The following MEMO1 variants were observed in gnomAD, a reference collection of about 807,000 sequenced individuals.
MEMO1 encodes protein MEMO1.
In MEMO1, 6 loss-of-function variants were observed where a neutral mutation model predicts 45.2. The observed-to-expected ratio is 0.13, with a 90% CI of 0.07 to 0.26. The LOEUF is 0.26. Ranked by LOEUF, MEMO1 falls within the 10% of genes least tolerant of loss-of-function variation. The probability of loss-of-function intolerance (pLI) is 1.00; values close to 1 mark genes in which losing one functional copy is unlikely to be tolerated. For synonymous variants in MEMO1, 78 were observed against 124.3 expected, an observed-to-expected ratio of 0.63 and a Z score of 2.48; for missense variants, 184 against 370.5, an observed-to-expected ratio of 0.50 and a Z score of 4.13.
At chr2:31,936,425 A>C (rs1664928254) in intron 3 of MEMO1, among the ~76,000 whole-genome samples, 1 of 152,222 alleles carries the variant, frequency 6.6e-6, no homozygotes, top group South Asian at 2.1e-4. Flanking sequence ...CCTTGCCTCT[A>C]AAAATTGATC....
intron 2 of MEMO1, among the ~76,000 whole-genome samples, chr2:31,969,580 T>TGTGG (rs1669083935): frequency 8.6e-6 from 1 of 116,696 alleles, no homozygotes; most frequent in Non-Finnish European, 1.8e-5. Flanking sequence ...TGGGGGTGTG[T>TGTGG]GTGTGGGTGT....
At chr2:31,925,499 A>AAAAAAAAAAC (rs1558507966) in intron 4 of MEMO1, among the ~76,000 whole-genome samples, 2 of 149,374 alleles carry the variant, frequency 1.3e-5, no homozygotes, top group South Asian at 2.1e-4. Context: ...AAAAAAAAAA[A>AAAAAAAAAAC]TCTGTTCCCG....
chr2:31,912,108 G>A (rs935808940), intron 6 of MEMO1, among the ~76,000 whole-genome samples: 1 of 152,122 alleles, frequency 6.6e-6, no homozygotes. Flanking sequence ...CCGAGGGCGG[G>A]TGGATCACTT....
At position 31,972,098 on chromosome 2, in the gene MEMO1, C is replaced by T. The variant is rs1372187058; in HGVS notation, c.62-28715G>A. Among the ~76,000 whole-genome samples the T allele has an allele frequency of 5.3e-5, 8 of 152,324 alleles. No individual in the cohort carries two copies. In the East Asian group the frequency reaches 1.3e-3, roughly 26 times the overall value. ...AAGGTGCAGACTAGGAACAGCACTACACAAAATTATATGTGAAATACCTTT... is the reference window on the plus strand; with the variant it reads ...AAGGTGCAGACTAGGAACAGCACTATACAAAATTATATGTGAAATACCTTT... On this transcript the variant is annotated intron_variant, in intron 2 of 9. Coordinates refer to ENST00000404530, the MANE Select transcript of MEMO1 (RefSeq NM_001301833.4).
intron 3 of MEMO1, among the ~76,000 whole-genome samples, chr2:31,933,845 A>G (rs1456633403): frequency 3.9e-5 from 6 of 152,126 alleles, no homozygotes. Context: ...AGCCAGAAGG[A>G]AATTTAGTAG....
chr2:31,911,844 T>C (rs1029352732), intron 6 of MEMO1, among the ~76,000 whole-genome samples: 2 of 152,118 alleles, frequency 1.3e-5, no homozygotes, highest in Admixed American at 6.5e-5. Flanking sequence ...ACTCACTTTG[T>C]TGCCCAGGCT....
intron 2 of MEMO1, among the ~76,000 whole-genome samples, chr2:31,943,645 T>C (rs558418194): frequency 2.0e-5 from 3 of 152,300 alleles, no homozygotes; most frequent in South Asian, 4.1e-4. Context: ...AGCAACACAA[T>C]GTGATTTACA....
At chr2:31,880,929 T>C (rs1413422972) in intron 8 of MEMO1, among the ~76,000 whole-genome samples, 1 of 151,644 alleles carries the variant, frequency 6.6e-6, no homozygotes, top group Non-Finnish European at 1.5e-5. Context: ...GTGGCTGAAG[T>C]GGGAGGACTG....
chr2:31,950,067 A>T (rs574031439), intron 2 of MEMO1, among the ~76,000 whole-genome samples: 2 of 152,312 alleles, frequency 1.3e-5, no homozygotes, highest in Non-Finnish European at 2.9e-5. Context: ...TTATTGGCAG[A>T]GTTCTTTTAA....
chr2:31,975,066 G>T (rs1346621766), intron 2 of MEMO1, among the ~76,000 whole-genome samples: 1 of 151,832 alleles, frequency 6.6e-6, no homozygotes, highest in Non-Finnish European at 1.5e-5. Flanking sequence ...CAGCTACTCG[G>T]GAGGCTGAGG....
intron 2 of MEMO1, among the ~76,000 whole-genome samples, chr2:31,954,882 C>T (rs1667235777): frequency 6.6e-6 from 1 of 150,798 alleles, no homozygotes; most frequent in Non-Finnish European, 1.5e-5. Context: ...CAGAGATGTG[C>T]CACTACAATC....
chr2:31,942,046 T>A (rs1307495122), intron 3 of MEMO1, among the ~76,000 whole-genome samples: 1 of 152,176 alleles, frequency 6.6e-6, no homozygotes, highest in African/African-American at 2.4e-5. Flanking sequence ...AAACCTTCAC[T>A]CTTCTCAGAA....
At chr2:31,988,626 G>T (rs1671567314) in intron 2 of MEMO1, among the ~76,000 whole-genome samples, 1 of 152,218 alleles carries the variant, frequency 6.6e-6, no homozygotes, top group African/African-American at 2.4e-5. Context: ...AACTACAGTA[G>T]TAGTCACTAC....
chr2:31,980,435 T>C (rs182909688), intron 2 of MEMO1, among the ~76,000 whole-genome samples: 84 of 152,286 alleles, frequency 5.5e-4, no homozygotes, highest in African/African-American at 1.9e-3. Context: ...ACCCTGTCTA[T>C]AAAAATAAAT....
At chr2:31,880,380 G>C (rs1455753679) in intron 8 of MEMO1, among the ~76,000 whole-genome samples, 1 of 152,036 alleles carries the variant, frequency 6.6e-6, no homozygotes, top group Non-Finnish European at 1.5e-5. Context: ...GACAATAATT[G>C]GATTTAAAGT....
intron 6 of MEMO1, among the ~76,000 whole-genome samples, chr2:31,907,602 C>T (rs998220437): frequency 6.6e-6 from 1 of 152,068 alleles, no homozygotes; most frequent in African/African-American, 2.4e-5. Flanking sequence ...CAAGATCAGC[C>T]TGGGCAACAT....
At chr2:31,965,919 C>A (rs899000429) in intron 2 of MEMO1, among the ~76,000 whole-genome samples, 1 of 152,036 alleles carries the variant, frequency 6.6e-6, no homozygotes, top group South Asian at 2.1e-4. Flanking sequence ...CCATGGCATA[C>A]GTTTACAACA....
intron 2 of MEMO1, among the ~76,000 whole-genome samples, chr2:31,969,569 CTGGGGGTGTGTG>C (rs1669066523): frequency 7.3e-6 from 1 of 136,674 alleles, no homozygotes; most frequent in Admixed American, 7.8e-5. Flanking sequence ...TAAATCTTTT[CTGGGGGTGTGTG>C]TGTGGGTGTG....
chr2:31,982,722 TG>T (rs1014677392), intron 2 of MEMO1, among the ~76,000 whole-genome samples: 3 of 152,080 alleles, frequency 2.0e-5, no homozygotes, highest in Admixed American at 6.6e-5. Flanking sequence ...ATACTCTAGC[TG>T]GTAAATTTGT....
Sources: gnomAD v4.1 joint callset for allele counts (sites outside exome capture counted in the v4.1 genomes callset) on GRCh38, gnomAD v4.1.1 for gene constraint, MANE v1.5 for transcripts, NCBI Gene and HGNC (gene_info 2026-07-23, HGNC 2026-07-21) for gene names.